The following HMMR variants were observed in gnomAD, a reference collection of about 807,000 sequenced individuals.
HMMR encodes hyaluronan mediated motility receptor, also known as intracellular hyaluronic acid-binding protein.
HMMR carries 108 observed loss-of-function variants against 101.0 expected under a neutral mutation model. The observed-to-expected ratio is 1.07, with a 90% CI of 0.92 to 1.25. HMMR has a LOEUF of 1.25. Among genes scored for constraint, HMMR ranks in the 50% most tolerant of loss-of-function variants. The pLI, the probability that HMMR is intolerant of heterozygous loss-of-function variation, is 0.00. For synonymous variants in HMMR, 296 were observed against 276.4 expected (o/e 1.07, Z -0.70); for missense variants, 813 against 788.7 (o/e 1.03, Z -0.37).
At chr5:163,482,887 T>G in intron 13 of HMMR, 99 bp downstream of exon 13, 1 of 1,334,626 alleles carries the variant, frequency 7.5e-7, no homozygotes, top group Admixed American at 2.1e-5. Flanking sequence ...CATCTTATAC[T>G]GCAAATTAAG....
intron 5 of HMMR, among the ~76,000 whole-genome samples, chr5:163,470,376 C>T (rs1027080013): frequency 6.6e-6 from 1 of 152,130 alleles, no homozygotes; most frequent in African/African-American, 2.4e-5. Context: ...AATTCCAGCG[C>T]TTTGGGAAGC....
intron 10 of HMMR, chr5:163,474,563 ATAGAACATTTTACAT>A: frequency 2.2e-6 from 1 of 456,954 alleles, no homozygotes; most frequent in Non-Finnish European, 4.4e-6. Context: ...CAGATTATTT[ATAGAACATTTTACAT>A]ATCAGTGAGA....
At chr5:163,479,954 G>A (rs565371434) in intron 12 of HMMR, among the ~76,000 whole-genome samples, 3 of 152,160 alleles carry the variant, frequency 2.0e-5, no homozygotes, top group Non-Finnish European at 4.4e-5. Flanking sequence ...ATATATTAAT[G>A]TTAACATTTT....
At chr5:163,491,017 C>A in intron 17 of HMMR, 95 bp from the exon 18 acceptor site, 2 of 618,674 alleles carry the variant, frequency 3.2e-6, no homozygotes, top group Non-Finnish European at 5.5e-6. Flanking sequence ...CTTCATCTGC[C>A]TTAAAGAAGA....
intron 9 of HMMR, among the ~76,000 whole-genome samples, 154 bp downstream of exon 9, chr5:163,473,711 T>C (rs1341927316): frequency 1.3e-5 from 2 of 152,060 alleles, no homozygotes; most frequent in Admixed American, 6.5e-5. Flanking sequence ...AGCAAAAACC[T>C]GTACTGCATT....
chr5:163,478,547 T>A (rs1028442778), intron 11 of HMMR, 137 bp from the exon 12 acceptor site: 12 of 602,016 alleles, frequency 2.0e-5, no homozygotes, highest in Non-Finnish European at 3.6e-5. Flanking sequence ...TAAATTAGGA[T>A]CTGAGCTATT....
At chr5:163,461,736 T>G (rs1421346628) in intron 1 of HMMR, among the ~76,000 whole-genome samples, 2 of 151,626 alleles carry the variant, frequency 1.3e-5, no homozygotes, top group African/African-American at 2.4e-5. Flanking sequence ...TGAGCCGAGA[T>G]CGCGCCACTG....
At chr5:163,476,900 G>A (rs566145274) in intron 11 of HMMR, among the ~76,000 whole-genome samples, 4 of 151,920 alleles carry the variant, frequency 2.6e-5, no homozygotes, top group East Asian at 1.9e-4. Flanking sequence ...GCATCGTGGC[G>A]CACGCCTGTA....
At chr5:163,487,172 A>C (rs1420745413) in intron 16 of HMMR, among the ~76,000 whole-genome samples, 1 of 152,218 alleles carries the variant, frequency 6.6e-6, no homozygotes, top group African/African-American at 2.4e-5. Context: ...AATGAATTCT[A>C]TCAAGTGCTT....
At chr5:163,484,590 A>T (rs1372054741) in intron 16 of HMMR, among the ~76,000 whole-genome samples, 3 of 152,226 alleles carry the variant, frequency 2.0e-5, no homozygotes, top group African/African-American at 7.2e-5. Flanking sequence ...AAATTTTTTA[A>T]CATATGTATT....
At chr5:163,472,056 T>TA (rs11443144) in intron 7 of HMMR, among the ~76,000 whole-genome samples, 13,598 of 148,400 alleles carry the variant, frequency 0.092, 862 homozygotes, top group African/African-American at 0.2. Flanking sequence ...TATTATTTAT[T>TA]TTTTTTTTTA....
At chr5:163,481,641 A>G in intron 12 of HMMR, among the ~76,000 whole-genome samples, 1 of 152,038 alleles carries the variant, frequency 6.6e-6, no homozygotes, top group East Asian at 1.9e-4. Flanking sequence ...CCAGCTTTTC[A>G]TTCTGTAAAT....
intron 16 of HMMR, among the ~76,000 whole-genome samples, chr5:163,485,458 T>C (rs1249576819): frequency 2.6e-5 from 4 of 152,234 alleles, no homozygotes; most frequent in Non-Finnish European, 5.9e-5. Flanking sequence ...ATGTGCTTAC[T>C]GGCCATTTGT....
At chr5:163,477,445 C>G (rs1759105471) in intron 11 of HMMR, among the ~76,000 whole-genome samples, 1 of 151,954 alleles carries the variant, frequency 6.6e-6, no homozygotes, top group Non-Finnish European at 1.5e-5. Context: ...TTTCTGTTTT[C>G]TTATGATTAG....
At chr5:163,483,447 C>A (rs921246267) in intron 15 of HMMR, 80 bp downstream of exon 15, 4 of 727,356 alleles carry the variant, frequency 5.5e-6, no homozygotes, top group South Asian at 3.9e-5. Flanking sequence ...GACAGTGACT[C>A]GGGTTTTCTG....
intron 5 of HMMR, among the ~76,000 whole-genome samples, chr5:163,470,310 C>A (rs1413880806): frequency 1.3e-5 from 2 of 152,134 alleles, no homozygotes; most frequent in Admixed American, 1.3e-4. Flanking sequence ...TAAGTGACCA[C>A]CCAAACAACC....
At chr5:163,463,764 T>C (rs1758614218) in intron 1 of HMMR, 92 bp from the exon 2 acceptor site, 1 of 525,198 alleles carries the variant, frequency 1.9e-6, no homozygotes, top group African/African-American at 2.0e-5. Flanking sequence ...TTAATGACAT[T>C]TTTACATTTA....
intron 3 of HMMR, among the ~76,000 whole-genome samples, chr5:163,465,866 C>T (rs759671791): frequency 2.0e-5 from 3 of 151,138 alleles, no homozygotes; most frequent in Non-Finnish European, 4.4e-5. Flanking sequence ...GAAGCTGAGG[C>T]AGGAGAATTG....
In HMMR at chr5:163,490,569, T is replaced by C; in HGVS notation, c.2125+17T>C. The C allele has an allele frequency of 6.5e-7, 1 of 1,544,810 alleles. No homozygotes were observed. The highest frequency in any genetic ancestry group is 8.8e-7 in the Non-Finnish European group (1 of 1,138,960). On this transcript the variant is annotated intron_variant, in intron 17 of 17. Coordinates refer to ENST00000393915, the MANE Select transcript of HMMR (RefSeq NM_001142556.2). ...TAAAAGAAGGTAAGACATGAATAAA[T>C]GTATAAAAGTGTCCTCTTCCTTTGG...
Sources: allele counts gnomAD v4.1 joint callset (sites outside exome capture counted in the v4.1 genomes callset), GRCh38; gene constraint gnomAD v4.1.1; transcripts MANE v1.5; gene names NCBI Gene and HGNC (gene_info 2026-07-23, HGNC 2026-07-21).